Variants in PRSS23 observed in about 807,000 individuals in gnomAD.
The protein encoded by PRSS23 is protease, serine 23.
Under a neutral mutation model 34.7 loss-of-function variants are expected in PRSS23, and 25 were observed. The ratio of observed to expected loss-of-function variants is 0.72; its 90% CI spans 0.53 to 1.01. The LOEUF is 1.01. Among genes scored for constraint, PRSS23 ranks in the 50% least tolerant of loss-of-function variants. The pLI is 0.00. For synonymous variants in PRSS23, 176 were observed against 186.6 expected, an observed-to-expected ratio of 0.94 and a Z score of 0.46; for missense variants, 445 against 475.6, an observed-to-expected ratio of 0.94 and a Z score of 0.60.
At chr11:86,874,669 T>C (rs541217347) in intron 2 of PRSS23, among the ~76,000 whole-genome samples, 2 of 152,378 alleles carry the variant, frequency 1.3e-5, no homozygotes, top group East Asian at 3.9e-4. Flanking sequence ...TATTGACTTA[T>C]AACACACAAT....
chr11:86,941,674 T>C (rs1949208130), intron 2 of PRSS23, among the ~76,000 whole-genome samples: 1 of 152,208 alleles, frequency 6.6e-6, no homozygotes, highest in African/African-American at 2.4e-5. Context: ...CTATATACAG[T>C]AGACTTTCAG....
intron 2 of PRSS23, among the ~76,000 whole-genome samples, chr11:86,828,453 G>T (rs1313913109): frequency 4.6e-5 from 7 of 152,072 alleles, no homozygotes; most frequent in Non-Finnish European, 1.0e-4. Flanking sequence ...TATCCAATTT[G>T]CCAGTCTGTG....
intron 2 of PRSS23, among the ~76,000 whole-genome samples, chr11:86,945,399 A>G (rs1422098848): frequency 1.3e-5 from 2 of 152,040 alleles, no homozygotes; most frequent in African/African-American, 2.4e-5. Context: ...TGGGATAACA[A>G]CTTGAGAACT....
At chr11:86,949,320 A>T (rs1407304499) in intron 2 of PRSS23, 1 of 152,192 alleles carries the variant, frequency 6.6e-6, no homozygotes, top group Non-Finnish European at 1.5e-5. Flanking sequence ...CCAAATTTTT[A>T]AAAAAGAGGA....
chr11:86,837,467 G>A (rs769448134), intron 2 of PRSS23: 3 of 152,204 alleles, frequency 2.0e-5, no homozygotes, highest in Non-Finnish European at 4.4e-5. Flanking sequence ...GGCGGACTTA[G>A]AGATTTCATA....
At chr11:86,817,469 TTA>T (rs1948222361) in intron 1 of PRSS23, among the ~76,000 whole-genome samples, 1 of 152,224 alleles carries the variant, frequency 6.6e-6, no homozygotes, top group Non-Finnish European at 1.5e-5. Context: ...CTCTATACTT[TTA>T]TTGAAATACC....
intron 2 of PRSS23, among the ~76,000 whole-genome samples, chr11:86,884,071 T>G (rs1224798368): frequency 6.6e-6 from 1 of 152,198 alleles, no homozygotes; most frequent in Non-Finnish European, 1.5e-5. Flanking sequence ...TAATTCTCTC[T>G]TATGGCTATA....
intron 2 of PRSS23, among the ~76,000 whole-genome samples, chr11:86,907,276 C>G (rs1430305856): frequency 1.3e-5 from 2 of 152,128 alleles, no homozygotes; most frequent in Admixed American, 1.3e-4. Flanking sequence ...CTGTAGCATC[C>G]TCATGCATAA....
intron 2 of PRSS23, among the ~76,000 whole-genome samples, chr11:86,850,289 T>G (rs1380264690): frequency 6.6e-6 from 1 of 152,176 alleles, no homozygotes. Flanking sequence ...CTCATTAGCC[T>G]AGAAAGTTCC....
chr11:86,803,990 T>C (rs1948070764), intron 1 of PRSS23, among the ~76,000 whole-genome samples: 1 of 152,134 alleles, frequency 6.6e-6, no homozygotes, highest in African/African-American at 2.4e-5. Flanking sequence ...TAAATGATAG[T>C]ACAGACACTA....
intron 2 of PRSS23, among the ~76,000 whole-genome samples, chr11:86,871,339 C>G (rs1394705538): frequency 6.6e-6 from 1 of 152,212 alleles, no homozygotes; most frequent in African/African-American, 2.4e-5. Flanking sequence ...TCTCCAAGCA[C>G]TGTGTGACCT....
At chr11:86,792,030 T>A (rs1004479879) in intron 1 of PRSS23, among the ~76,000 whole-genome samples, 1 of 152,214 alleles carries the variant, frequency 6.6e-6, no homozygotes, top group African/African-American at 2.4e-5. Context: ...AGGAGGGTAC[T>A]GGTCACTACC....
At chr11:86,933,395 C>G (rs1341221061) in intron 2 of PRSS23, 1 of 152,150 alleles carries the variant, frequency 6.6e-6, no homozygotes, top group Non-Finnish European at 1.5e-5. Flanking sequence ...GGCTCTCAAG[C>G]AGTATCTCAG....
intron 1 of PRSS23, among the ~76,000 whole-genome samples, chr11:86,792,883 CT>C (rs1353525809): frequency 6.6e-6 from 1 of 152,106 alleles, no homozygotes; most frequent in Non-Finnish European, 1.5e-5. Context: ...AAACTCCATT[CT>C]TTTTTTGAGA....
intron 2 of PRSS23, among the ~76,000 whole-genome samples, chr11:86,927,116 G>A (rs1949086579): frequency 6.6e-6 from 1 of 152,164 alleles, no homozygotes. Flanking sequence ...GCTAACTTGA[G>A]TCAGTCCACC....
downstream of PRSS23, among the ~76,000 whole-genome samples, chr11:86,812,341 T>C (rs554019491): frequency 5.9e-5 from 9 of 152,244 alleles, no homozygotes; most frequent in Middle Eastern, 3.4e-3. Context: ...GGGCCTCCAA[T>C]AGGGGAAGGG....
chr11:86,874,013 C>T (rs1948705995), intron 2 of PRSS23, among the ~76,000 whole-genome samples: 1 of 152,190 alleles, frequency 6.6e-6, no homozygotes, highest in African/African-American at 2.4e-5. Flanking sequence ...AATATCTAAT[C>T]TATGTCTTGT....
chr11:86,880,041 G>T (rs928918013), intron 2 of PRSS23, among the ~76,000 whole-genome samples: 20 of 152,092 alleles, frequency 1.3e-4, no homozygotes, highest in African/African-American at 4.8e-4. Flanking sequence ...AAATCGGATG[G>T]TTGCCGTGTC....
upstream of PRSS23, chr11:86,800,446 C>A: frequency 1.0e-6 from 1 of 983,560 alleles, no homozygotes; most frequent in South Asian, 4.7e-5. Context: ...GGGCGGCGTC[C>A]GCGCGGCTTC....
Sources: allele counts gnomAD v4.1 joint callset (sites outside exome capture counted in the v4.1 genomes callset), GRCh38; gene constraint gnomAD v4.1.1; transcripts MANE v1.5; gene names NCBI Gene and HGNC (gene_info 2026-07-23, HGNC 2026-07-21).